The following WWOX variants were observed in gnomAD, a reference collection of about 807,000 sequenced individuals.
WWOX encodes WW domain-containing oxidoreductase.
A neutral mutation model predicts 46.2 loss-of-function variants in WWOX; 69 were observed. That is an observed-to-expected ratio of 1.49 (90% CI 1.23 to 1.82). WWOX has a LOEUF of 1.82. Ranked by LOEUF, WWOX falls within the 40% of genes most tolerant of loss-of-function variation. The pLI, the probability that WWOX is intolerant of heterozygous loss-of-function variation, is 0.00. For missense variants in WWOX, 919 were observed against 542.6 expected, an observed-to-expected ratio of 1.69 and a Z score of -6.89; for synonymous variants, 359 against 202.6, an observed-to-expected ratio of 1.77 and a Z score of -6.56.
chr16:78,991,982 C>T (rs985739471), intron 8 of WWOX, among the ~76,000 whole-genome samples: 2 of 152,188 alleles, frequency 1.3e-5, no homozygotes, highest in African/African-American at 4.8e-5. Context: ...CGAAATGAAA[C>T]TCAGGGGGTT....
chr16:79,133,667 G>T (rs1176434621), intron 8 of WWOX, among the ~76,000 whole-genome samples: 1 of 152,172 alleles, frequency 6.6e-6, no homozygotes, highest in Non-Finnish European at 1.5e-5. Flanking sequence ...CTTGCCGGTG[G>T]CCTGCACTGG....
At chr16:78,680,053 A>C (rs1445329764) in intron 8 of WWOX, among the ~76,000 whole-genome samples, 5 of 152,272 alleles carry the variant, frequency 3.3e-5, no homozygotes, top group Non-Finnish European at 4.4e-5. Flanking sequence ...CAGTTTTCTC[A>C]TCTGTAAAGT....
intron 8 of WWOX, among the ~76,000 whole-genome samples, chr16:78,972,796 G>A (rs140688564): frequency 3.9e-5 from 6 of 152,064 alleles, no homozygotes; most frequent in African/African-American, 1.4e-4. Flanking sequence ...CATAAAAAAT[G>A]GTTTTTAATT....
At chr16:78,122,629 G>C (rs1027239293) in intron 4 of WWOX, among the ~76,000 whole-genome samples, 2 of 150,478 alleles carry the variant, frequency 1.3e-5, no homozygotes, top group African/African-American at 4.9e-5. Context: ...TTTTGAGACG[G>C]TGCCTTGCTC....
At chr16:78,169,439 A>G (rs928672401) in intron 5 of WWOX, among the ~76,000 whole-genome samples, 1 of 147,132 alleles carries the variant, frequency 6.8e-6, no homozygotes, top group African/African-American at 2.6e-5. Flanking sequence ...GGTCTGGCAT[A>G]TCCCACTCCC....
chr16:78,852,319 C>T (rs982381231), intron 8 of WWOX, among the ~76,000 whole-genome samples: 1 of 152,188 alleles, frequency 6.6e-6, no homozygotes, highest in Admixed American at 6.5e-5. Flanking sequence ...AGCGCATGAC[C>T]TCTGAAGCTA....
chr16:79,104,982 A>T (rs1213593539), intron 8 of WWOX, among the ~76,000 whole-genome samples: 3 of 152,086 alleles, frequency 2.0e-5, no homozygotes, highest in African/African-American at 4.8e-5. Context: ...CCGCCACCCC[A>T]ATTTCCTCAT....
chr16:78,644,894 G>C (rs1196642610), intron 8 of WWOX, among the ~76,000 whole-genome samples: 2 of 152,186 alleles, frequency 1.3e-5, no homozygotes, highest in African/African-American at 4.8e-5. Context: ...CGGCATGTTA[G>C]GAATATAGAT....
chr16:78,450,252 A>G (rs1008855043), intron 8 of WWOX, among the ~76,000 whole-genome samples: 7 of 152,176 alleles, frequency 4.6e-5, no homozygotes, highest in Non-Finnish European at 8.8e-5. Context: ...TAAACATTGC[A>G]TCCTTGAGTT....
intron 1 of WWOX, among the ~76,000 whole-genome samples, chr16:78,101,346 C>CTTTTTTTTTTTTTTTTTTTTTT (rs71137871): frequency 0.016 from 1,100 of 66,738 alleles, 294 homozygotes; most frequent in Middle Eastern, 0.029. Flanking sequence ...CGCTCCCGGC[C>CTTTTTTTTTTTTTTTTTTTTTT]TTTTTTTTTT....
At chr16:78,977,952 A>G (rs960800372) in intron 8 of WWOX, among the ~76,000 whole-genome samples, 12 of 146,428 alleles carry the variant, frequency 8.2e-5, no homozygotes, top group African/African-American at 2.5e-4. Context: ...ATAGCAGTAC[A>G]TTCACAATGG....
At chr16:78,355,429 T>C (rs891868658) in intron 5 of WWOX, 21 of 294,572 alleles carry the variant, frequency 7.1e-5, no homozygotes, top group African/African-American at 1.6e-4. Context: ...GGTGAAACCG[T>C]GTCTCTACTA....
intron 8 of WWOX, among the ~76,000 whole-genome samples, chr16:78,797,659 G>A (rs779876112): frequency 6.6e-6 from 1 of 152,112 alleles, no homozygotes; most frequent in Non-Finnish European, 1.5e-5. Context: ...ACTATGATAA[G>A]TAGCAAACAA....
chr16:79,151,462 A>G (rs967654106), intron 8 of WWOX, among the ~76,000 whole-genome samples: 19 of 152,198 alleles, frequency 1.2e-4, no homozygotes, highest in African/African-American at 3.6e-4. Flanking sequence ...TTGCATTGGC[A>G]GGAGGTGGCA....
chr16:79,010,439 C>T (rs2047280872), intron 8 of WWOX, among the ~76,000 whole-genome samples: 2 of 152,282 alleles, frequency 1.3e-5, no homozygotes, highest in South Asian at 4.1e-4. Flanking sequence ...GAGGACCTGC[C>T]ACTGGGCAGG....
At chr16:78,444,432 A>G (rs2083512687) in intron 8 of WWOX, among the ~76,000 whole-genome samples, 1 of 152,070 alleles carries the variant, frequency 6.6e-6, no homozygotes, top group South Asian at 2.1e-4. Context: ...TATTTCATAA[A>G]TTTTGGATGA....
At chr16:78,797,205 C>G (rs908223062) in intron 8 of WWOX, among the ~76,000 whole-genome samples, 2 of 151,992 alleles carry the variant, frequency 1.3e-5, no homozygotes, top group Middle Eastern at 3.4e-3. Context: ...ATGACATAAT[C>G]CATGAGAGTG....
intron 8 of WWOX, among the ~76,000 whole-genome samples, chr16:78,574,223 A>G (rs894260032): frequency 6.6e-6 from 1 of 152,160 alleles, no homozygotes; most frequent in Non-Finnish European, 1.5e-5. Context: ...GGTCAACAAG[A>G]TGGTGTCTTA....
intron 8 of WWOX, among the ~76,000 whole-genome samples, chr16:78,787,234 C>T (rs1597609058): frequency 1.3e-5 from 2 of 152,296 alleles, no homozygotes. Flanking sequence ...TTAATACGTT[C>T]ACAATATCGT....
Sources: allele counts gnomAD v4.1 joint callset (sites outside exome capture counted in the v4.1 genomes callset), GRCh38; gene constraint gnomAD v4.1.1; transcripts MANE v1.5; gene names NCBI Gene and HGNC (gene_info 2026-07-23, HGNC 2026-07-21).